The following HADHA variants were observed in gnomAD, a reference collection of about 807,000 sequenced individuals.
HADHA encodes the protein hydroxyacyl-CoA dehydrogenase trifunctional multienzyme complex subunit alpha.
In HADHA, 59 loss-of-function variants were observed where a neutral mutation model predicts 91.3. The ratio of observed to expected loss-of-function variants is 0.65; its 90% CI spans 0.52 to 0.80. The LOEUF (loss-of-function observed/expected upper bound fraction) is 0.80, where lower values mean the gene tolerates loss of function less well. Ranked by LOEUF, HADHA falls within the 30% of genes least tolerant of loss-of-function variation. The pLI is 0.00. For missense variants in HADHA, 800 were observed against 927.6 expected, an observed-to-expected ratio of 0.86 and a Z score of 1.79; for synonymous variants, 320 against 338.9, an observed-to-expected ratio of 0.94 and a Z score of 0.61.
chr2:26,234,500 TTCAA>T, intron 4 of HADHA, 145 bp from the exon 5 acceptor site: 1 of 747,318 alleles, frequency 1.3e-6, no homozygotes, highest in Non-Finnish European at 2.3e-6. Context: ...ATGATTTTGC[TTCAA>T]ATAGCACAAT....
At position 26,221,192 on chromosome 2, in the gene HADHA, G is replaced by C. The variant is rs1670367811; in HGVS notation, c.677-6017C>G. Among the ~76,000 whole-genome samples the C allele has an allele frequency of 6.6e-6, 1 of 152,126 alleles. No individual in the cohort carries two copies. The highest frequency in any genetic ancestry group is 1.5e-5 in the Non-Finnish European group (1 of 68,028). On this transcript the variant is annotated intron_variant, in intron 7 of 19. Coordinates refer to ENST00000380649, the MANE Select transcript of HADHA (RefSeq NM_000182.5). The surrounding 1 kb of genome is among the most constrained non-coding windows in gnomAD (Gnocchi z 4.8). ...CTAAAAAAGCTGCTAGTTTAAGTGG[G>C]ACCCAGAACAAGAGAAGCTGTTCTG...
rs1671006983 is a variant in HADHA at position 26,244,146 on chromosome 2, G to T, written c.67+384C>A. Among the ~76,000 whole-genome samples the T allele has an allele frequency of 2.0e-5, 3 of 152,394 alleles. No individual in the cohort carries two copies. In the South Asian group the frequency reaches 6.2e-4, roughly 32 times the overall value. On this transcript the variant is annotated intron_variant, in intron 1 of 19. Coordinates refer to ENST00000380649, the MANE Select transcript of HADHA (RefSeq NM_000182.5). ...AGGTGCTGTTTTTAAGACAGCTCTT[G>T]TTGCGGGGCAAGGTGCTGTGGAGCC...
rs7582341 is a variant in HADHA, at chr2:26,193,432, A to G, written c.1885+145T>C. Reference sequence around the variant, plus strand: ...GTGGTTGCTACCGCACCTGACTCATAAAATCATTTTTGAAATCGCCAGTGA... The same window carrying G: ...GTGGTTGCTACCGCACCTGACTCATGAAATCATTTTTGAAATCGCCAGTGA... On this transcript the variant is annotated intron_variant, in intron 17 of 19. Transcript: ENST00000380649. 0.79 allele frequency: 627,937 copies of G among 790,254 alleles called. 250,862 individuals carry two copies. Among genetic ancestry groups the G allele is most frequent in the African/African-American group, 0.93 (55,280 of 59,178 alleles). The allele number at this position is 790,254 out of a possible 1,614,324, so 49.0% of individuals were successfully genotyped here. A position where few individuals can be genotyped will look rare whatever the true frequency, so the allele number is the denominator to read the frequency against.
chr2:26,196,022 T>C (rs1377451588), intron 14 of HADHA, among the ~76,000 whole-genome samples: 1 of 152,260 alleles, frequency 6.6e-6, no homozygotes, highest in Non-Finnish European at 1.5e-5. Flanking sequence ...TCACTTTAGC[T>C]ATAAGGTACA....
chr2:26,218,256 T>C (rs1042671689), intron 7 of HADHA, among the ~76,000 whole-genome samples: 1 of 150,732 alleles, frequency 6.6e-6, no homozygotes, highest in Non-Finnish European at 1.5e-5. Flanking sequence ...GCTGAGATTG[T>C]GCCACTGCAC....
chr2:26,241,834 T>A (rs553356161), intron 1 of HADHA, among the ~76,000 whole-genome samples: 2 of 152,340 alleles, frequency 1.3e-5, no homozygotes, highest in South Asian at 4.1e-4. Context: ...GAAGTGATTT[T>A]CATTTGATAT....
At chr2:26,242,280 T>TCTATTTAGA (rs1406101369) in intron 1 of HADHA, among the ~76,000 whole-genome samples, 1 of 152,254 alleles carries the variant, frequency 6.6e-6, no homozygotes, top group African/African-American at 2.4e-5. Flanking sequence ...CTGTGAAGGA[T>TCTATTTAGA]CTATTGAGTC....
rs767103938 is a variant in HADHA, at chr2:26,191,401, T to TTC, written c.2147-7_2147-6insGA. 23 of 1,614,104 alleles carry TTC rather than the reference T, an allele frequency of 1.4e-5. No individual in the cohort carries two copies. The highest frequency in any genetic ancestry group is 1.9e-5 in the Non-Finnish European group (23 of 1,180,036). On this transcript the variant is annotated splice_region_variant and splice_polypyrimidine_tract_variant and intron_variant, in intron 19 of 19. Transcript: ENST00000380649. ...ATCCACAAAGCGGAAAGGCCCTGAA[T>TTC]AGAGAAAGAGGACTTCGTTGAAGGA...
intron 3 of HADHA, among the ~76,000 whole-genome samples, chr2:26,238,151 G>A (rs1010460713): frequency 1.3e-5 from 2 of 152,102 alleles, no homozygotes; most frequent in Non-Finnish European, 2.9e-5. Context: ...AGCACTACAG[G>A]TGAACATCAC....
chr2:26,232,347 G>T, intron 5 of HADHA, 68 bp from the exon 6 acceptor site: 1 of 1,054,064 alleles, frequency 9.5e-7, no homozygotes, highest in Admixed American at 1.7e-5. Flanking sequence ...AGATGGATAA[G>T]GGTCTAAAGA....
In HADHA at chr2:26,222,549, C is replaced by T. The variant is rs574026953; in HGVS notation, c.677-7374G>A. On this transcript the variant is annotated intron_variant, in intron 7 of 19. Coordinates refer to ENST00000380649, the MANE Select transcript of HADHA (RefSeq NM_000182.5). ...CTATGGATAGCAGTCAGCATCTTTC[C>T]GCAGTCACTCTTATCACTGCTTCAT... is the stretch of plus-strand genomic sequence containing the variant. Among the ~76,000 whole-genome samples, 105 of 152,250 alleles carry T rather than the reference C, an allele frequency of 6.9e-4. 1 individual carries two copies. Among genetic ancestry groups the T allele is most frequent in the African/African-American group, 2.3e-3 (97 of 41,538 alleles).
At position 26,215,106 on chromosome 2, in the gene HADHA, T is replaced by C. The variant is rs1407795069; in HGVS notation, c.746A>G (p.Lys249Arg). The change falls in exon 8 of 20, where the codon AAA becomes AGA. Residue 249 changes from lysine to arginine, a missense_variant. Lys to Arg is a conservative substitution (Grantham distance 26). Transcript: ENST00000380649. ...AGAGATCTTCTTATCAGCTAGTCCT[T>C]TGGCAAAAGTAATTGCAACTTCTTC... ...YLEEVAITFA[K>R]GLADKKISPK... 2.5e-6 allele frequency: 4 copies of C among 1,608,200 alleles called. No individual in the cohort carries two copies. Among genetic ancestry groups the C allele is most frequent in the Middle Eastern group, 3.3e-4 (2 of 6,046 alleles).
rs1484811594 is a variant in HADHA, at chr2:26,221,293, T to C, written c.677-6118A>G. On this transcript the variant is annotated intron_variant, in intron 7 of 19. Transcript: ENST00000380649. This position sits in a 1 kb window ranked among gnomAD's most constrained non-coding sequence, Gnocchi z 4.8. ...AGACAGAGGTGCTGTCTGGAGTCTT[T>C]AATAGATCTCTATTAGGTGAATCAC... is the stretch of plus-strand genomic sequence containing the variant. Among the ~76,000 whole-genome samples the C allele has an allele frequency of 7.9e-5, 12 of 152,318 alleles. No individual in the cohort carries two copies. In the East Asian group the frequency reaches 1.9e-3, roughly 24 times the overall value.
intron 1 of HADHA, among the ~76,000 whole-genome samples, chr2:26,242,410 A>AAACACAATGC (rs529552828): frequency 1.5e-4 from 23 of 152,360 alleles, no homozygotes; most frequent in African/African-American, 5.3e-4. Context: ...TTACTGGTGA[A>AAACACAATGC]AACACAATGC....
intron 18 of HADHA, 73 bp downstream of exon 18, chr2:26,192,237 G>T: frequency 3.8e-6 from 3 of 794,886 alleles, no homozygotes; most frequent in Non-Finnish European, 4.4e-6. Context: ...AAAAAAAATG[G>T]AAGAGGGGCT....
Position 26,230,235 on chromosome 2 carries a change from C to T in HADHA, c.633G>A (p.Arg211=), listed in dbSNP as rs2147779928. The T allele has an allele frequency of 2.5e-6, 4 of 1,613,686 alleles. No homozygotes were observed. Among genetic ancestry groups the T allele is most frequent in the Non-Finnish European group, 3.4e-6 (4 of 1,179,678 alleles). ...GGTCAACCAGTCCCATTTTCTTTGC[C>T]CTGTCTGCACGAATGCTTCTACCAG... ...MLTGRSIRAD[R]AKKMGLVDQL... is the part of the protein sequence containing the mutation. Residue 211 remains arginine (R), a synonymous_variant, in exon 7 of 20, where the codon AGG becomes AGA. Transcript: ENST00000380649.
chr2:26,226,020 A>G (rs997166413), intron 7 of HADHA, among the ~76,000 whole-genome samples: 1 of 152,216 alleles, frequency 6.6e-6, no homozygotes, highest in Admixed American at 6.5e-5. Context: ...TACAAGGTCC[A>G]TGTCCAAAAA....
At chr2:26,203,170 C>A (rs61688728) in intron 12 of HADHA, among the ~76,000 whole-genome samples, 5,148 of 152,292 alleles carry the variant, frequency 0.034, 189 homozygotes, top group South Asian at 0.12. Context: ...AATCTGCCAA[C>A]ACGATGAAAC....
At chr2:26,200,548 T>G (rs1228193019) in intron 13 of HADHA, among the ~76,000 whole-genome samples, 1 of 152,204 alleles carries the variant, frequency 6.6e-6, no homozygotes, top group Admixed American at 6.5e-5. Context: ...GGCTTTCGGC[T>G]AACCAAAAAA....
Sources: gnomAD v4.1 joint callset for allele counts (sites outside exome capture counted in the v4.1 genomes callset) on GRCh38, gnomAD v4.1.1 for gene constraint, Gnocchi (gnomAD v3.1) non-coding constraint, MANE v1.5 for transcripts, NCBI Gene and HGNC (gene_info 2026-07-23, HGNC 2026-07-21) for gene names.